The following SSR3 variants were observed in gnomAD, a reference collection of about 807,000 sequenced individuals.
The protein encoded by SSR3 is signal sequence receptor subunit 3.
SSR3 carries 10 observed loss-of-function variants against 22.1 expected under a neutral mutation model. The observed-to-expected ratio is 0.45, with a 90% CI of 0.28 to 0.77. The LOEUF (loss-of-function observed/expected upper bound fraction) is 0.77, where lower values mean the gene tolerates loss of function less well. Ranked by LOEUF, SSR3 falls within the 30% of genes least tolerant of loss-of-function variation. The probability of loss-of-function intolerance (pLI) is 0.13; values close to 1 mark genes in which losing one functional copy is unlikely to be tolerated. For missense variants in SSR3, 181 were observed against 220.5 expected (o/e 0.82, Z 1.13); for synonymous variants, 104 against 82.5 (o/e 1.26, Z -1.42).
At chr3:156,553,511 TCAA>T in intron 2 of SSR3, 141 bp downstream of exon 2, 1 of 798,600 alleles carries the variant, frequency 1.3e-6, no homozygotes. Context: ...CTTCCTAGCA[TCAA>T]TGTTCCTTTC....
chr3:156,553,564 C>A, intron 2 of SSR3, 91 bp downstream of exon 2: 1 of 1,314,696 alleles, frequency 7.6e-7, no homozygotes, highest in Non-Finnish European at 1.0e-6. Context: ...CAAATTAATG[C>A]TTATTAAAAC....
chr3:156,543,460 A>T (rs1719642549), intron 4 of SSR3, among the ~76,000 whole-genome samples, 191 bp from the exon 5 acceptor site: 1 of 152,222 alleles, frequency 6.6e-6, no homozygotes, highest in South Asian at 2.1e-4. Flanking sequence ...AAACATTCAC[A>T]GGAAATGTGT....
rs1219722972 is a variant in SSR3, at chr3:156,544,315, G to A, written c.484C>T (p.Pro162Ser). 2.5e-6 allele frequency: 4 copies of A among 1,588,378 alleles called. No homozygotes were observed. The highest frequency in any genetic ancestry group is 3.4e-6 in the Non-Finnish European group (4 of 1,168,088). Residue 162 changes from proline (P) to serine (S), a missense_variant, in exon 4 of 5, where the codon CCC becomes TCC. Coordinates refer to ENST00000265044, the MANE Select transcript of SSR3 (RefSeq NM_007107.5). ...CAACCTTGAAAAGGATACACTGTGG[G>A]GTTGAAGTTCTTCAATATGAAGAAG... is the stretch of plus-strand genomic sequence containing the variant. ...ASFFILKNFNPTVNYILSISA... is the reference protein window; with the variant it reads ...ASFFILKNFNSTVNYILSISA...
chr3:156,547,358 T>TG (rs749576126), intron 3 of SSR3, among the ~76,000 whole-genome samples: 11 of 152,174 alleles, frequency 7.2e-5, no homozygotes, highest in Admixed American at 1.3e-4. Flanking sequence ...AAGACTGCAG[T>TG]GGGCAGAGGA....
At chr3:156,550,943 A>G (rs1719931206) in intron 2 of SSR3, among the ~76,000 whole-genome samples, 1 of 152,200 alleles carries the variant, frequency 6.6e-6, no homozygotes, top group African/African-American at 2.4e-5. Flanking sequence ...AGGTAAAATT[A>G]TGCCCACGGC....
intron 3 of SSR3, among the ~76,000 whole-genome samples, chr3:156,546,955 A>T (rs1196265374): frequency 6.6e-6 from 1 of 152,222 alleles, no homozygotes; most frequent in East Asian, 1.9e-4. Flanking sequence ...CTAAGCAAAG[A>T]AATGCTGATA....
chr3:156,549,083 T>A, intron 2 of SSR3, 80 bp from the exon 3 acceptor site: 1 of 1,374,226 alleles, frequency 7.3e-7, no homozygotes, highest in Non-Finnish European at 9.8e-7. Flanking sequence ...CACACCGTAC[T>A]CATATTTCGT....
rs137859101 is a variant in SSR3, at chr3:156,553,040, T to TAAA, written c.260+612_260+614dup. Among the ~76,000 whole-genome samples, 616 of 136,558 alleles carry TAAA rather than the reference T, an allele frequency of 4.5e-3. 2 individuals carry two copies. The highest frequency in any genetic ancestry group is 0.015 in the African/African-American group (564 of 37,214). The allele number at this position is 136,558 out of a possible 152,430, so 89.6% of individuals were successfully genotyped here. On this transcript the variant is annotated intron_variant, in intron 2 of 4. Transcript: ENST00000265044. ...ATTAGCATTGAAAATGACAGAGAGTTAAAAAAAAAAAAAAGCAATAAAATA... is the reference window on the plus strand; with the variant it reads ...ATTAGCATTGAAAATGACAGAGAGTTAAAAAAAAAAAAAAAAAGCAATAAAATA...
At chr3:156,553,472 ATT>A (rs1720034444) in intron 2 of SSR3, among the ~76,000 whole-genome samples, 181 bp downstream of exon 2, 1 of 152,120 alleles carries the variant, frequency 6.6e-6, no homozygotes, top group Non-Finnish European at 1.5e-5. Context: ...CAGAATGATC[ATT>A]GTCTCTACTT....
In SSR3 at chr3:156,544,459, TCAAA is replaced by T. The variant is rs746479825; in HGVS notation, c.360-24_360-21del. 6.0e-6 allele frequency: 9 copies of T among 1,508,130 alleles called. No individual in the cohort carries two copies. In the South Asian group the frequency reaches 1.3e-4, roughly 21 times the overall value. The allele number at this position is 1,508,130 out of a possible 1,614,324, so 93.4% of individuals were successfully genotyped here. On this transcript the variant is annotated intron_variant, in intron 3 of 4. Coordinates refer to ENST00000265044, the MANE Select transcript of SSR3 (RefSeq NM_007107.5). Reference sequence around the variant, plus strand: ...AAGATTCTACAGACACAGAAACAAGTCAAACAAGCTTATAAATATGATTTAAAAA... The same window carrying T: ...AAGATTCTACAGACACAGAAACAAGTCAAGCTTATAAATATGATTTAAAAA...
intron 3 of SSR3, among the ~76,000 whole-genome samples, chr3:156,547,888 G>A (rs1169196636): frequency 6.6e-6 from 1 of 152,170 alleles, no homozygotes; most frequent in East Asian, 1.9e-4. Context: ...CCACAACTAA[G>A]TTCAGTGCTC....
intron 3 of SSR3, 94 bp downstream of exon 3, chr3:156,548,811 C>A (rs1719847818): frequency 6.6e-7 from 1 of 1,508,994 alleles, no homozygotes; most frequent in Admixed American, 2.2e-5. Flanking sequence ...TTACCTCAGA[C>A]AATTCCAAAA....
At chr3:156,553,810 C>G in intron 1 of SSR3, 29 bp from the exon 2 acceptor site, 1 of 1,569,824 alleles carries the variant, frequency 6.4e-7, no homozygotes, top group Non-Finnish European at 8.6e-7. Context: ...GGGAAGGGTA[C>G]AAAAAGAAGC....
Position 156,540,610 on chromosome 3 carries a change from A to C in SSR3, c.*2593T>G, listed in dbSNP as rs1427106838. The C allele has an allele frequency of 6.7e-6, 1 of 150,260 alleles. No individual in the cohort carries two copies. The highest frequency in any genetic ancestry group is 6.7e-5 in the Admixed American group (1 of 15,018). 9.3% of individuals were successfully genotyped at this position (150,260 alleles called of 1,614,324 possible). A position where few individuals can be genotyped will look rare whatever the true frequency, so the allele number is the denominator to read the frequency against. On this transcript the variant is annotated 3_prime_UTR_variant, in exon 5 of 5. Coordinates refer to ENST00000265044, the MANE Select transcript of SSR3 (RefSeq NM_007107.5). Reference sequence around the variant, plus strand: ...GACAGAGCGAGACGCTGTCTCAAAAAAAAAAAAAAAAAAAAAAGAATATCA... The same window carrying C: ...GACAGAGCGAGACGCTGTCTCAAAACAAAAAAAAAAAAAAAAAGAATATCA...
At chr3:156,550,029 C>T (rs1334970183) in intron 2 of SSR3, among the ~76,000 whole-genome samples, 1 of 152,206 alleles carries the variant, frequency 6.6e-6, no homozygotes, top group African/African-American at 2.4e-5. Flanking sequence ...ATACACTCAG[C>T]TCCAAAGGCA....
chr3:156,549,424 G>A (rs1054475644), intron 2 of SSR3, among the ~76,000 whole-genome samples: 3 of 152,136 alleles, frequency 2.0e-5, no homozygotes, highest in Non-Finnish European at 2.9e-5. Context: ...TAACAGGAGC[G>A]AAAACTAGGC....
At chr3:156,553,566 T>C (rs972238956) in intron 2 of SSR3, 89 bp downstream of exon 2, 15 of 1,344,438 alleles carry the variant, frequency 1.1e-5, no homozygotes, top group Non-Finnish European at 1.5e-5. Flanking sequence ...AATTAATGCT[T>C]ATTAAAACCA....
intron 3 of SSR3, among the ~76,000 whole-genome samples, chr3:156,548,479 C>G (rs1233536463): frequency 6.6e-6 from 1 of 152,224 alleles, no homozygotes; most frequent in Middle Eastern, 3.2e-3. Context: ...TATTAACAGA[C>G]AAAGCCTGCT....
rs1439692696 is a variant in SSR3 at position 156,540,845 on chromosome 3, T to C, written c.*2358A>G. 2 of 152,100 alleles carry C rather than the reference T, an allele frequency of 1.3e-5. No homozygotes were observed. The highest frequency in any genetic ancestry group is 4.8e-5 in the African/African-American group (2 of 41,414). 9.4% of individuals were successfully genotyped at this position (152,100 alleles called of 1,614,324 possible). On this transcript the variant is annotated 3_prime_UTR_variant, in exon 5 of 5. Coordinates refer to ENST00000265044, the MANE Select transcript of SSR3 (RefSeq NM_007107.5). ...CATGGTTTTACTAAGTCAGATTGAG[T>C]AGGTCGCATCTCTGTGTGCCACACA...
Sources: allele counts gnomAD v4.1 joint callset (sites outside exome capture counted in the v4.1 genomes callset), GRCh38; gene constraint gnomAD v4.1.1; transcripts MANE v1.5; gene names NCBI Gene and HGNC (gene_info 2026-07-23, HGNC 2026-07-21).